RXFP1: variants seen among roughly 807,000 people sequenced by gnomAD.
RXFP1 encodes the protein relaxin family peptide receptor 1, also known as relaxin receptor 1.
Under a neutral mutation model 89.8 loss-of-function variants are expected in RXFP1, and 73 were observed. That is an observed-to-expected ratio of 0.81 (90% CI 0.67 to 0.99). RXFP1 has a LOEUF of 0.99. Ranked by LOEUF, RXFP1 falls within the 50% of genes least tolerant of loss-of-function variation. The probability of loss-of-function intolerance (pLI) is 0.00; values close to 1 mark genes in which losing one functional copy is unlikely to be tolerated. For missense variants in RXFP1, 793 were observed against 895.5 expected (o/e 0.89, Z 1.46); for synonymous variants, 277 against 305.5 (o/e 0.91, Z 0.97).
chr4:158,572,009 T>C (rs1353684448), intron 1 of RXFP1, among the ~76,000 whole-genome samples: 2 of 152,190 alleles, frequency 1.3e-5, no homozygotes, highest in African/African-American at 4.8e-5. Context: ...GCCAGTCTTT[T>C]AGGTCTTTTT....
chr4:158,577,991 G>A (rs1756590792), intron 2 of RXFP1, among the ~76,000 whole-genome samples: 1 of 152,032 alleles, frequency 6.6e-6, no homozygotes, highest in African/African-American at 2.4e-5. Flanking sequence ...AAGATTTTTT[G>A]TGAACACAAT....
chr4:158,532,025 T>A (rs1283039719), intron 1 of RXFP1, among the ~76,000 whole-genome samples: 1 of 152,142 alleles, frequency 6.6e-6, no homozygotes, highest in Non-Finnish European at 1.5e-5. Context: ...CTTCTAATGA[T>A]CCCGTCACCC....
chr4:158,645,199 A>G (rs1443901460), intron 15 of RXFP1, 61 bp downstream of exon 15: 1 of 1,309,692 alleles, frequency 7.6e-7, no homozygotes, highest in Non-Finnish European at 1.1e-6. Flanking sequence ...CTTTATTATT[A>G]GAAAATAAGT....
intron 4 of RXFP1, among the ~76,000 whole-genome samples, chr4:158,602,608 A>G (rs1761892136): frequency 6.6e-6 from 1 of 152,178 alleles, no homozygotes; most frequent in African/African-American, 2.4e-5. Context: ...GGCTGTTAAG[A>G]CTGAAGTTAT....
chr4:158,626,944 A>G (rs1766968693), intron 10 of RXFP1, 53 bp downstream of exon 10: 17 of 953,226 alleles, frequency 1.8e-5, no homozygotes, highest in Non-Finnish European at 2.6e-5. Flanking sequence ...TACAAATAAA[A>G]TTTAAAAACA....
rs757257531 is a variant in RXFP1 at position 158,607,962 on chromosome 4, A to G, written c.465-10A>G. 3.2e-6 allele frequency: 5 copies of G among 1,579,414 alleles called. No homozygotes were observed. In the East Asian group the frequency reaches 6.8e-5, roughly 21 times the overall value. ...TCATTTTTTTTTCTTTTTAATAATC[A>G]TTTTCACAGGTACCTGCAAAACAAT... On this transcript the variant is annotated splice_polypyrimidine_tract_variant and intron_variant, in intron 5 of 17. Transcript: ENST00000307765.
chr4:158,593,383 C>T lies in RXFP1; in HGVS notation c.188-18C>T. The T allele has an allele frequency of 1.3e-6, 2 of 1,545,506 alleles. No homozygotes were observed. The highest frequency in any genetic ancestry group is 1.8e-6 in the Non-Finnish European group (2 of 1,122,316). On this transcript the variant is annotated intron_variant, in intron 2 of 17. Coordinates refer to ENST00000307765, the MANE Select transcript of RXFP1 (RefSeq NM_021634.4). ...TCTCTGTTCCTTGAACTTTTTTGTTCTCTGATTTTTATTTTAGGAGACAAC... is the reference window on the plus strand; with the variant it reads ...TCTCTGTTCCTTGAACTTTTTTGTTTTCTGATTTTTATTTTAGGAGACAAC...
intron 14 of RXFP1, among the ~76,000 whole-genome samples, chr4:158,642,763 C>G (rs987596127): frequency 1.3e-5 from 2 of 151,986 alleles, no homozygotes; most frequent in African/African-American, 4.8e-5. Flanking sequence ...GGGGTAATTC[C>G]TGAGGTTTGT....
chr4:158,628,756 T>C, intron 11 of RXFP1, 47 bp downstream of exon 11: 1 of 991,418 alleles, frequency 1.0e-6, no homozygotes, highest in Non-Finnish European at 1.5e-6. Context: ...TTTCTACTGT[T>C]TTTTCACACT....
chr4:158,638,888 A>G (rs1769778911), intron 13 of RXFP1, among the ~76,000 whole-genome samples: 1 of 152,142 alleles, frequency 6.6e-6, no homozygotes, highest in African/African-American at 2.4e-5. Context: ...TTATTAGAAA[A>G]AAATTTATTA....
At chr4:158,626,111 T>TAGATAGATAGATAA (rs1766658287) in intron 9 of RXFP1, among the ~76,000 whole-genome samples, 2 of 136,594 alleles carry the variant, frequency 1.5e-5, no homozygotes, top group African/African-American at 2.9e-5. Flanking sequence ...TAGATATCTA[T>TAGATAGATAGATAA]ATAGATAGAT....
At chr4:158,562,912 G>C (rs1037495759) in intron 1 of RXFP1, among the ~76,000 whole-genome samples, 8 of 152,196 alleles carry the variant, frequency 5.3e-5, no homozygotes, top group African/African-American at 1.7e-4. Flanking sequence ...GTTAAAGTTA[G>C]AGGCTAATAT....
chr4:158,549,471 C>T (rs916597697), intron 1 of RXFP1, among the ~76,000 whole-genome samples: 3 of 152,176 alleles, frequency 2.0e-5, no homozygotes, highest in East Asian at 1.9e-4. Flanking sequence ...ATTTTCCGTC[C>T]GGCTTTGTTC....
At chr4:158,541,964 GGCTGGAGTGCAGTGGTGCGA>G (rs1560972563) in intron 1 of RXFP1, among the ~76,000 whole-genome samples, 1 of 149,598 alleles carries the variant, frequency 6.7e-6, no homozygotes, top group Non-Finnish European at 1.5e-5. Context: ...CTGTCGCCCA[GGCTGGAGTGCAGTGGTGCGA>G]GCTCAGCTCA....
intron 6 of RXFP1, among the ~76,000 whole-genome samples, chr4:158,611,401 C>A (rs964540227): frequency 1.2e-4 from 18 of 152,168 alleles, no homozygotes; most frequent in African/African-American, 4.1e-4. Context: ...AAGGCAGAGT[C>A]AAACCCTTTA....
rs1459844029 is a variant in RXFP1, at chr4:158,652,761, G to C, written c.*706G>C. The C allele has an allele frequency of 6.6e-6, 1 of 152,214 alleles. No individual in the cohort carries two copies. Among genetic ancestry groups the C allele is most frequent in the African/African-American group, 2.4e-5 (1 of 41,452 alleles). 9.4% of individuals were successfully genotyped at this position (152,214 alleles called of 1,614,324 possible). On this transcript the variant is annotated 3_prime_UTR_variant, in exon 18 of 18. Coordinates refer to ENST00000307765, the MANE Select transcript of RXFP1 (RefSeq NM_021634.4). The stretch of plus-strand genomic sequence containing the variant: ...ATCATCATATGGAATTGGAATAGGA[G>C]AGTATGAGTACGGCAGAGAAGTGGA...
chr4:158,620,414 G>GA (rs1242780704), intron 9 of RXFP1, among the ~76,000 whole-genome samples: 1 of 152,028 alleles, frequency 6.6e-6, no homozygotes, highest in African/African-American at 2.4e-5. Flanking sequence ...TAATAGCCAA[G>GA]AATTTTGTTA....
At chr4:158,611,672 TCTC>T (rs1363985530) in intron 6 of RXFP1, among the ~76,000 whole-genome samples, 1 of 152,214 alleles carries the variant, frequency 6.6e-6, no homozygotes, top group Non-Finnish European at 1.5e-5. Flanking sequence ...AGTAAAGCCT[TCTC>T]CTGGCTCCTC....
chr4:158,524,530 T>A (rs1741995719), intron 1 of RXFP1, among the ~76,000 whole-genome samples: 2 of 152,172 alleles, frequency 1.3e-5, no homozygotes, highest in Admixed American at 1.3e-4. Context: ...AGAGGTGACA[T>A]TAAGACTTAG....
Sources: gnomAD v4.1 joint callset for allele counts (sites outside exome capture counted in the v4.1 genomes callset) on GRCh38, gnomAD v4.1.1 for gene constraint, MANE v1.5 for transcripts, NCBI Gene and HGNC (gene_info 2026-07-23, HGNC 2026-07-21) for gene names.